The following CCDC7 variants were observed in gnomAD, a reference collection of about 807,000 sequenced individuals.
CCDC7 encodes coiled-coil domain-containing protein 7.
CCDC7 carries 183 observed loss-of-function variants against 196.9 expected under a neutral mutation model. That is an observed-to-expected ratio of 0.93 (90% CI 0.82 to 1.05). CCDC7 has a LOEUF of 1.05. CCDC7 is among the 50% of genes least tolerant of loss of function. The pLI is 0.00. For missense variants in CCDC7, 1,540 were observed against 1,482.2 expected, an observed-to-expected ratio of 1.04 and a Z score of -0.64; for synonymous variants, 525 against 484.6, an observed-to-expected ratio of 1.08 and a Z score of -1.10.
At chr10:32,725,335 C>T (rs1361575607) in intron 25 of CCDC7, 1 of 470,876 alleles carries the variant, frequency 2.1e-6, no homozygotes. Flanking sequence ...AAAAGAATTT[C>T]ATGATTTCTT....
intron 18 of CCDC7, among the ~76,000 whole-genome samples, chr10:32,633,040 G>T (rs1346296022): frequency 6.6e-6 from 1 of 152,136 alleles, no homozygotes; most frequent in Non-Finnish European, 1.5e-5. Context: ...AAAGTGGGAT[G>T]TTAAAGTCTC....
chr10:32,699,676 T>G (rs1189785672), intron 24 of CCDC7, among the ~76,000 whole-genome samples: 1 of 149,498 alleles, frequency 6.7e-6, no homozygotes, highest in Non-Finnish European at 1.5e-5. Context: ...ACCAACAGTG[T>G]AAAAGCTTTC....
At chr10:32,724,978 C>A (rs2082910638) in intron 25 of CCDC7, among the ~76,000 whole-genome samples, 1 of 152,112 alleles carries the variant, frequency 6.6e-6, no homozygotes, top group Admixed American at 6.6e-5. Flanking sequence ...TGAAAGATCA[C>A]ACACAACATT....
At chr10:32,702,310 T>G (rs1368502516) in intron 24 of CCDC7, among the ~76,000 whole-genome samples, 1 of 152,228 alleles carries the variant, frequency 6.6e-6, no homozygotes, top group African/African-American at 2.4e-5. Flanking sequence ...GTTGTTCAGT[T>G]TCCATGTAGT....
At chr10:32,594,075 A>G (rs560740142) in intron 18 of CCDC7, among the ~76,000 whole-genome samples, 35 of 152,248 alleles carry the variant, frequency 2.3e-4, no homozygotes, top group African/African-American at 8.2e-4. Flanking sequence ...GTTTTTTCCA[A>G]TTCTGTGAAG....
chr10:32,863,143 A>C (rs751269202), intron 41 of CCDC7, among the ~76,000 whole-genome samples: 7 of 151,952 alleles, frequency 4.6e-5, no homozygotes, highest in Non-Finnish European at 1.0e-4. Flanking sequence ...ATAAATAGAA[A>C]ACAATCCTAA....
At chr10:32,880,355 G>C (rs547488213), downstream of CCDC7, among the ~76,000 whole-genome samples, 1 of 152,092 alleles carries the variant, frequency 6.6e-6, no homozygotes, top group Admixed American at 6.6e-5. Flanking sequence ...GTCTTCTTTC[G>C]AGAAGTGTCT....
At chr10:32,565,606 A>C in exon 14 of CCDC7, 1 of 1,610,030 alleles carries the variant, frequency 6.2e-7, no homozygotes. Context: ...GGAGCAATTG[A>C]AACAGGCTTT....
At chr10:32,561,296 A>C (rs1194296800) in intron 13 of CCDC7, among the ~76,000 whole-genome samples, 1 of 152,198 alleles carries the variant, frequency 6.6e-6, no homozygotes, top group Non-Finnish European at 1.5e-5. Context: ...TGCACCAAGC[A>C]GACCTAATAG....
At chr10:32,621,687 TC>T (rs765174030) in intron 18 of CCDC7, among the ~76,000 whole-genome samples, 4 of 152,096 alleles carry the variant, frequency 2.6e-5, no homozygotes, top group Non-Finnish European at 5.9e-5. Context: ...TTGGTTTAAG[TC>T]CTGGAATCTG....
exon 25 of CCDC7, chr10:32,711,686 T>G: frequency 6.3e-7 from 1 of 1,595,056 alleles, no homozygotes. Flanking sequence ...AAAATCCAAG[T>G]GCAATTAGAG....
exon 25 of CCDC7, chr10:32,711,720 A>G (rs1162300699): frequency 6.5e-7 from 1 of 1,548,948 alleles, no homozygotes; most frequent in Middle Eastern, 1.7e-4. Context: ...CTGAAGGAGA[A>G]GGACGTAGCA....
intron 28 of CCDC7, among the ~76,000 whole-genome samples, chr10:32,729,974 T>C (rs1396443452): frequency 6.6e-6 from 1 of 152,180 alleles, no homozygotes; most frequent in Non-Finnish European, 1.5e-5. Context: ...AACTTACAAT[T>C]GTATATACTC....
intron 41 of CCDC7, among the ~76,000 whole-genome samples, chr10:32,869,323 T>A (rs1019615508): frequency 2.6e-5 from 4 of 152,226 alleles, no homozygotes; most frequent in Non-Finnish European, 4.4e-5. Context: ...TGGCCAGTGA[T>A]AATGAGCATT....
downstream of CCDC7, chr10:32,877,019 A>C (rs540023617): frequency 6.6e-6 from 1 of 152,058 alleles, no homozygotes; most frequent in South Asian, 2.1e-4. Context: ...ATTTTTCCCC[A>C]GCAAGAATCA....
intron 32 of CCDC7, among the ~76,000 whole-genome samples, chr10:32,826,773 A>G (rs1462907526): frequency 6.6e-6 from 1 of 152,240 alleles, no homozygotes; most frequent in African/African-American, 2.4e-5. Flanking sequence ...GCCCATTTCT[A>G]GGACATCCCT....
At chr10:32,848,666 A>G (rs745699250) in exon 39 of CCDC7, 2 of 1,547,666 alleles carry the variant, frequency 1.3e-6, no homozygotes, top group Non-Finnish European at 1.8e-6. Context: ...GGAGCATTAC[A>G]CCAAGTAAAT....
chr10:32,746,271 T>G (rs961315076), intron 28 of CCDC7, among the ~76,000 whole-genome samples: 1 of 152,158 alleles, frequency 6.6e-6, no homozygotes, highest in Non-Finnish European at 1.5e-5. Flanking sequence ...CAGAAATTTT[T>G]GGGGAAAGGG....
intron 13 of CCDC7, 124 bp from the exon 15 acceptor site, chr10:32,565,434 G>A: frequency 2.1e-6 from 2 of 972,424 alleles, no homozygotes; most frequent in Non-Finnish European, 3.0e-6. Flanking sequence ...GAGATGTGCA[G>A]TTCAATGTCT....
Sources: allele counts gnomAD v4.1 joint callset (sites outside exome capture counted in the v4.1 genomes callset), GRCh38; gene constraint gnomAD v4.1.1; transcripts MANE v1.5; gene names NCBI Gene and HGNC (gene_info 2026-07-23, HGNC 2026-07-21).